The following MME variants were observed in gnomAD, a reference collection of about 807,000 sequenced individuals.
MME encodes membrane metalloendopeptidase.
In MME, 98 loss-of-function variants were observed where a neutral mutation model predicts 113.2. That is an observed-to-expected ratio of 0.87 (90% CI 0.74 to 1.02). The LOEUF (loss-of-function observed/expected upper bound fraction) is 1.02, where lower values mean the gene tolerates loss of function less well. MME is among the 50% of genes least tolerant of loss of function. MME has a pLI of 0.00. For synonymous variants in MME, 292 were observed against 300.6 expected (o/e 0.97, Z 0.30); for missense variants, 836 against 896.0 (o/e 0.93, Z 0.86).
chr3:155,048,565 A>G (rs987318283), intron 1 of MME, among the ~76,000 whole-genome samples: 9 of 152,188 alleles, frequency 5.9e-5, no homozygotes, highest in Non-Finnish European at 4.4e-5. Context: ...TCAGAGCTCT[A>G]GAGACTTTGT....
intron 8 of MME, among the ~76,000 whole-genome samples, chr3:155,135,721 T>G (rs2108298870): frequency 6.6e-6 from 1 of 152,318 alleles, no homozygotes; most frequent in East Asian, 1.9e-4. Context: ...TATATTACTT[T>G]GGGCAGTATG....
chr3:155,060,699 C>CAT (rs113149086), intron 1 of MME, among the ~76,000 whole-genome samples: 14,705 of 152,120 alleles, frequency 0.097, 1,168 homozygotes, highest in African/African-American at 0.22. Flanking sequence ...GCTTAACAAA[C>CAT]GTGTTTCTCA....
At chr3:155,065,516 C>T (rs1714357607) in intron 1 of MME, among the ~76,000 whole-genome samples, 1 of 152,196 alleles carries the variant, frequency 6.6e-6, no homozygotes, top group Admixed American at 6.5e-5. Flanking sequence ...GATATAGTCA[C>T]ATTCAGCCTT....
chr3:155,050,244 T>A (rs1212884433), intron 1 of MME, among the ~76,000 whole-genome samples: 1 of 152,210 alleles, frequency 6.6e-6, no homozygotes, highest in Non-Finnish European at 1.5e-5. Context: ...TTAATGGGCA[T>A]TTAGGTTGAT....
At chr3:155,150,255 T>C (rs1721823939) in intron 16 of MME, among the ~76,000 whole-genome samples, 2 of 152,188 alleles carry the variant, frequency 1.3e-5, no homozygotes, top group African/African-American at 4.8e-5. Flanking sequence ...CTTGATGTTT[T>C]CTTTTGAGGT....
At chr3:155,055,604 A>G (rs1207461918) in intron 1 of MME, among the ~76,000 whole-genome samples, 5 of 152,184 alleles carry the variant, frequency 3.3e-5, no homozygotes, top group Non-Finnish European at 4.4e-5. Flanking sequence ...CTCAAAAAAA[A>G]AAAAAACTTT....
intron 17 of MME, among the ~76,000 whole-genome samples, chr3:155,164,085 A>G (rs1722910639): frequency 6.6e-6 from 1 of 151,458 alleles, no homozygotes; most frequent in South Asian, 2.1e-4. Flanking sequence ...TGGAGGTTGC[A>G]GTAAGCTGAG....
At chr3:155,049,105 T>C (rs1290913629) in intron 1 of MME, among the ~76,000 whole-genome samples, 1 of 152,158 alleles carries the variant, frequency 6.6e-6, no homozygotes, top group African/African-American at 2.4e-5. Context: ...ATGTATGTTC[T>C]TCTTAATTCT....
intron 3 of MME, among the ~76,000 whole-genome samples, chr3:155,099,669 G>A (rs373844353): frequency 1.2e-4 from 19 of 152,298 alleles, no homozygotes; most frequent in East Asian, 1.2e-3. Flanking sequence ...GTGTCCTTGC[G>A]ATAGTTTGCC....
At chr3:155,072,167 CAAAAAAAAAAAAAAAAAAA>C (rs71155031) in intron 1 of MME, among the ~76,000 whole-genome samples, 2 of 65,074 alleles carry the variant, frequency 3.1e-5, no homozygotes, top group African/African-American at 1.4e-4. Context: ...GACTCCGTCT[CAAAAAAAAAAAAAAAAAAA>C]AAAAAAGAAT....
At chr3:155,154,190 T>C (rs1722149913) in intron 16 of MME, among the ~76,000 whole-genome samples, 1 of 151,876 alleles carries the variant, frequency 6.6e-6, no homozygotes, top group African/African-American at 2.4e-5. Flanking sequence ...AAGCATGGTG[T>C]TTTTTTTCTA....
At chr3:155,159,265 C>A (rs891352693) in intron 16 of MME, among the ~76,000 whole-genome samples, 1 of 151,992 alleles carries the variant, frequency 6.6e-6, no homozygotes, top group Non-Finnish European at 1.5e-5. Flanking sequence ...TCTGATGTAA[C>A]CTAATTGTGC....
At chr3:155,135,943 G>C (rs933040239) in intron 8 of MME, among the ~76,000 whole-genome samples, 10 of 152,134 alleles carry the variant, frequency 6.6e-5, no homozygotes, top group Non-Finnish European at 1.5e-4. Context: ...CTCTCAGCTT[G>C]AACATTATTG....
At chr3:155,143,013 T>C (rs1721233946) in intron 12 of MME, among the ~76,000 whole-genome samples, 1 of 152,164 alleles carries the variant, frequency 6.6e-6, no homozygotes, top group Admixed American at 6.6e-5. Context: ...GGTTATCCTG[T>C]TATTCTTAAA....
rs150396624 is a variant in MME, at chr3:155,148,886, A to C, written c.1601+233A>C. Among the ~76,000 whole-genome samples, 3 of 152,308 alleles carry C rather than the reference A, an allele frequency of 2.0e-5. No individual in the cohort carries two copies. The East Asian group carries it at 5.8e-4, about 29-fold the overall frequency. Reference sequence around the variant, plus strand: ...GGTATCCTCAAATTTACATGTCTTTAGTTTCGTCTTATGTCATTGCCTATC... The same window carrying C: ...GGTATCCTCAAATTTACATGTCTTTCGTTTCGTCTTATGTCATTGCCTATC... On this transcript the variant is annotated intron_variant, in intron 16 of 22. Transcript: ENST00000360490.
chr3:155,149,779 A>G (rs1721787877), intron 16 of MME, among the ~76,000 whole-genome samples: 1 of 152,196 alleles, frequency 6.6e-6, no homozygotes, highest in Non-Finnish European at 1.5e-5. Context: ...GTGCATTTTA[A>G]TCCTTACTCA....
At chr3:155,126,709 G>GC (rs1719688685) in intron 8 of MME, among the ~76,000 whole-genome samples, 1 of 152,056 alleles carries the variant, frequency 6.6e-6, no homozygotes, top group African/African-American at 2.4e-5. Context: ...TTTAGAAAGG[G>GC]CATTTATTGG....
intron 3 of MME, among the ~76,000 whole-genome samples, chr3:155,110,207 C>T (rs1718075867): frequency 1.3e-5 from 2 of 152,214 alleles, no homozygotes; most frequent in Non-Finnish European, 2.9e-5. Flanking sequence ...CTCACGTGCT[C>T]CCCACCAGCC....
Position 155,115,043 on chromosome 3 carries a change from CT to C in MME, c.251del (p.Phe84SerfsTer9). The C allele has an allele frequency of 2.5e-6, 4 of 1,614,098 alleles. No homozygotes were observed. The highest frequency in any genetic ancestry group is 3.4e-6 in the Non-Finnish European group (4 of 1,180,012). Reference sequence around the variant, plus strand: ...ATGCCACCACTGAGCCTTGTACAGACTTTTTCAAATATGCTTGCGGAGGCTG... The same window carrying C: ...ATGCCACCACTGAGCCTTGTACAGACTTTTCAAATATGCTTGCGGAGGCTG... ...MDATTEPCTD[F>X]FKYACGGWLK... On this transcript the variant is annotated frameshift_variant, in exon 4 of 23. Coordinates refer to ENST00000360490, the MANE Select transcript of MME (RefSeq NM_007289.4). LOFTEE classifies it high-confidence loss of function.
Sources: gnomAD v4.1 joint callset for allele counts (sites outside exome capture counted in the v4.1 genomes callset) on GRCh38, gnomAD v4.1.1 for gene constraint, MANE v1.5 for transcripts, NCBI Gene and HGNC (gene_info 2026-07-23, HGNC 2026-07-21) for gene names.